The following AHRR variants were observed in gnomAD, a reference collection of about 807,000 sequenced individuals.
AHRR encodes aryl hydrocarbon receptor repressor.
In AHRR, 28 loss-of-function variants were observed where a neutral mutation model predicts 44.0. That is an observed-to-expected ratio of 0.64 (90% CI 0.47 to 0.87). AHRR has a LOEUF of 0.87. Among genes scored for constraint, AHRR ranks in the 40% least tolerant of loss-of-function variants. The pLI is 0.00. For missense variants in AHRR, 990 were observed against 953.9 expected, an observed-to-expected ratio of 1.04 and a Z score of -0.50; for synonymous variants, 434 against 407.0, an observed-to-expected ratio of 1.07 and a Z score of -0.80.
Position 403,106 on chromosome 5 carries a change from C to T in AHRR, c.352-10238C>T, listed in dbSNP as rs151253819. Among the ~76,000 whole-genome samples, 361 of 152,190 alleles carry T rather than the reference C, an allele frequency of 2.4e-3. 2 individuals carry two copies. The highest frequency in any genetic ancestry group is 8.2e-3 in the African/African-American group (342 of 41,514). On this transcript the variant is annotated intron_variant, in intron 4 of 10. Transcript: ENST00000684583. ...GCTCGGATCCACCTTGACGACTCTG[C>T]GGAGTGAAACAAAGTCAAAGCCTGC...
Position 381,542 on chromosome 5 carries a change from G to A in AHRR, c.351+4826G>A, listed in dbSNP as rs1733983735. On this transcript the variant is annotated intron_variant, in intron 4 of 10. Coordinates refer to ENST00000684583, the MANE Select transcript of AHRR (RefSeq NM_001377236.1). Reference sequence around the variant, plus strand: ...TTTTTTTTTTTTTTTTTGAGACAGAGCCTCACTCTGTCACCCAGGCTGGAG... The same window carrying A: ...TTTTTTTTTTTTTTTTTGAGACAGAACCTCACTCTGTCACCCAGGCTGGAG... Among the ~76,000 whole-genome samples, 3 of 101,202 alleles carry A rather than the reference G, an allele frequency of 3.0e-5. No homozygotes were observed. The South Asian group carries it at 1.1e-3, about 38-fold the overall frequency. 66.4% of individuals were successfully genotyped at this position (101,202 alleles called of 152,430 possible).
chr5:343,472 T>TGGCGG, intron 1 of AHRR: 1 of 210,012 alleles, frequency 4.8e-6, no homozygotes, highest in Non-Finnish European at 9.4e-6. Context: ...TTCTCGGGGG[T>TGGCGG]GACGGGAACA....
chr5:403,696 A>ATT, intron 4 of AHRR: 9 of 530,784 alleles, frequency 1.7e-5, no homozygotes, highest in South Asian at 1.1e-4. Flanking sequence ...TTTTTTTTTT[A>ATT]CTTTCTCTCA....
In AHRR at chr5:404,535, A is replaced by G; in HGVS notation, c.352-8809A>G. The G allele has an allele frequency of 3.0e-6, 1 of 330,528 alleles. No homozygotes were observed. Among genetic ancestry groups the G allele is most frequent in the Admixed American group, 3.8e-5 (1 of 26,424 alleles). 20.5% of individuals were successfully genotyped at this position (330,528 alleles called of 1,614,324 possible). On this transcript the variant is annotated intron_variant, in intron 4 of 10. Coordinates refer to ENST00000684583, the MANE Select transcript of AHRR (RefSeq NM_001377236.1). The surrounding 1 kb of genome is among the most constrained non-coding windows in gnomAD (Gnocchi z 4.1). ...TTTGTAGTGATAACCTCTTCAGAAAAAGAGCAGGCGTCCTGGGCCGGGGCA... is the reference window on the plus strand; with the variant it reads ...TTTGTAGTGATAACCTCTTCAGAAAGAGAGCAGGCGTCCTGGGCCGGGGCA...
At chr5:392,456 G>A (rs1028932781) in intron 4 of AHRR, among the ~76,000 whole-genome samples, 1 of 151,690 alleles carries the variant, frequency 6.6e-6, no homozygotes. Flanking sequence ...CGCAGGGCGA[G>A]GCAGGGCCAG....
At chr5:432,625 G>GGAAAAGCCATTTTGCA in intron 9 of AHRR, 101 bp downstream of exon 9, 1 of 1,526,094 alleles carries the variant, frequency 6.6e-7, no homozygotes. Context: ...CGTATTCCAT[G>GGAAAAGCCATTTTGCA]GAAAAGCCAT....
At chr5:423,811 G>T (rs745611321) in intron 6 of AHRR, 30 bp from the exon 7 acceptor site, 54 of 1,569,566 alleles carry the variant, frequency 3.4e-5, no homozygotes, top group Admixed American at 5.3e-5. Flanking sequence ...TTCTCCCACC[G>T]CCACGCCCCT....
chr5:426,652 AAGAT>A (rs1736410481), intron 7 of AHRR, among the ~76,000 whole-genome samples: 1 of 140,366 alleles, frequency 7.1e-6, no homozygotes, highest in Admixed American at 7.0e-5. Context: ...GATAGATAGA[AAGAT>A]GGATGGGTGG....
At position 404,465 on chromosome 5, in the gene AHRR, T is replaced by A; in HGVS notation, c.352-8879T>A. The A allele has an allele frequency of 4.0e-6, 2 of 499,058 alleles. No homozygotes were observed. Among genetic ancestry groups the A allele is most frequent in the South Asian group, 3.1e-5 (2 of 64,338 alleles). 30.9% of individuals were successfully genotyped at this position (499,058 alleles called of 1,614,324 possible). A position where few individuals can be genotyped will look rare whatever the true frequency, so the allele number is the denominator to read the frequency against. On this transcript the variant is annotated intron_variant, in intron 4 of 10. Coordinates refer to ENST00000684583, the MANE Select transcript of AHRR (RefSeq NM_001377236.1). This position sits in a 1 kb window ranked among gnomAD's most constrained non-coding sequence, Gnocchi z 4.1. ...ACTGTGCTGGTGCTGTCGTGCACGGTGTGTTCACCAAAACATCTAACGCAA... is the reference window on the plus strand; with the variant it reads ...ACTGTGCTGGTGCTGTCGTGCACGGAGTGTTCACCAAAACATCTAACGCAA...
At chr5:330,002 A>G (rs762997898) in intron 1 of AHRR, among the ~76,000 whole-genome samples, 2 of 152,138 alleles carry the variant, frequency 1.3e-5, no homozygotes, top group African/African-American at 2.4e-5. Context: ...TCAGTATTAT[A>G]TTGAATAGGA....
intron 3 of AHRR, among the ~76,000 whole-genome samples, chr5:367,288 G>A (rs767123229): frequency 3.9e-4 from 59 of 152,336 alleles, no homozygotes; most frequent in African/African-American, 1.3e-3. Context: ...GGCCCTCAGC[G>A]TAGCCAGATG....
At chr5:379,138 C>A (rs549258646) in intron 4 of AHRR, among the ~76,000 whole-genome samples, 1 of 152,212 alleles carries the variant, frequency 6.6e-6, no homozygotes, top group African/African-American at 2.4e-5. Flanking sequence ...CGGAGTCACA[C>A]GCATGGCCTT....
At chr5:412,069 G>C (rs1193832930) in intron 4 of AHRR, among the ~76,000 whole-genome samples, 2 of 152,174 alleles carry the variant, frequency 1.3e-5, no homozygotes, top group African/African-American at 4.8e-5. Flanking sequence ...TCAAATAAAG[G>C]AAAACGCCAC....
intron 3 of AHRR, among the ~76,000 whole-genome samples, chr5:361,660 G>A (rs747491331): frequency 6.6e-6 from 1 of 152,168 alleles, no homozygotes; most frequent in Admixed American, 6.5e-5. Flanking sequence ...CTTGCTAGAC[G>A]TGTGACTTGC....
rs1399749135 is a variant in AHRR, at chr5:388,964, C to T, written c.351+12248C>T. Among the ~76,000 whole-genome samples the T allele has an allele frequency of 6.6e-6, 1 of 152,150 alleles. No homozygotes were observed. The highest frequency in any genetic ancestry group is 1.5e-5 in the Non-Finnish European group (1 of 68,012). On this transcript the variant is annotated intron_variant, in intron 4 of 10. Coordinates refer to ENST00000684583, the MANE Select transcript of AHRR (RefSeq NM_001377236.1). The surrounding 1 kb of genome is among the most constrained non-coding windows in gnomAD (Gnocchi z 5.2). The stretch of plus-strand genomic sequence containing the variant: ...GAGTGAGGACCCAAGAGCAAAGGGC[C>T]CCAAGCAGTTGTCACCTGAACGGGA...
intron 4 of AHRR, among the ~76,000 whole-genome samples, chr5:401,558 G>A (rs1489242031): frequency 2.0e-5 from 3 of 152,190 alleles, no homozygotes; most frequent in Non-Finnish European, 2.9e-5. Context: ...TCAACTCCAG[G>A]CAGGACAAGA....
At chr5:392,505 G>T (rs1484959962) in intron 4 of AHRR, among the ~76,000 whole-genome samples, 1 of 152,134 alleles carries the variant, frequency 6.6e-6, no homozygotes, top group Non-Finnish European at 1.5e-5. Flanking sequence ...TGCAGATGTG[G>T]CAGGTGCAGA....
intron 1 of AHRR, among the ~76,000 whole-genome samples, chr5:332,337 G>A (rs1295328472): frequency 1.4e-5 from 2 of 147,596 alleles, no homozygotes; most frequent in African/African-American, 5.0e-5. Flanking sequence ...GCATGATCTC[G>A]GCTCACCACA....
chr5:400,784 T>G (rs1387602565), intron 4 of AHRR, among the ~76,000 whole-genome samples: 1 of 152,260 alleles, frequency 6.6e-6, no homozygotes, highest in Non-Finnish European at 1.5e-5. Context: ...AGGTTGCTTT[T>G]GGTTGTGACT....
Sources: gnomAD v4.1 joint callset for allele counts (sites outside exome capture counted in the v4.1 genomes callset) on GRCh38, gnomAD v4.1.1 for gene constraint, Gnocchi (gnomAD v3.1) non-coding constraint, MANE v1.5 for transcripts, NCBI Gene and HGNC (gene_info 2026-07-23, HGNC 2026-07-21) for gene names.